Variants in C2orf80 observed in about 807,000 individuals in gnomAD.
The protein encoded by C2orf80 is chromosome 2 open reading frame 80.
In C2orf80, 28 loss-of-function variants were observed where a neutral mutation model predicts 30.2. The observed-to-expected ratio is 0.93, with a 90% CI of 0.69 to 1.27. The LOEUF is 1.27. Among genes scored for constraint, C2orf80 ranks in the 50% most tolerant of loss-of-function variants. The pLI is 0.00. For missense variants in C2orf80, 220 were observed against 231.0 expected, an observed-to-expected ratio of 0.95 and a Z score of 0.31; for synonymous variants, 80 against 76.4, an observed-to-expected ratio of 1.05 and a Z score of -0.24.
intron 6 of C2orf80, among the ~76,000 whole-genome samples, chr2:208,178,099 T>A (rs1480719838): frequency 6.6e-6 from 1 of 152,134 alleles, no homozygotes; most frequent in African/African-American, 2.4e-5. Flanking sequence ...ATTACAGGCA[T>A]GAGCTACCGC....
At chr2:208,183,741 G>A (rs1429780617) in intron 3 of C2orf80, among the ~76,000 whole-genome samples, 1 of 152,176 alleles carries the variant, frequency 6.6e-6, no homozygotes, top group Non-Finnish European at 1.5e-5. Context: ...CGGAGCGGGC[G>A]GGGAAGGGGG....
intron 6 of C2orf80, among the ~76,000 whole-genome samples, chr2:208,173,168 T>C (rs1261373370): frequency 1.6e-5 from 2 of 121,698 alleles, no homozygotes; most frequent in Admixed American, 1.7e-4. Context: ...AATGGAAAAA[T>C]AGATGACAAC....
At chr2:208,176,973 A>ATCTGTATACATATG (rs56730997) in intron 6 of C2orf80, among the ~76,000 whole-genome samples, 5 of 92,264 alleles carry the variant, frequency 5.4e-5, no homozygotes, top group Admixed American at 2.0e-4. Flanking sequence ...ATGTATACAT[A>ATCTGTATACATATG]TATACAGAAA....
At chr2:208,182,638 T>C (rs1574372576) in intron 4 of C2orf80, among the ~76,000 whole-genome samples, 1 of 152,186 alleles carries the variant, frequency 6.6e-6, no homozygotes, top group Non-Finnish European at 1.5e-5. Flanking sequence ...TGGCTTCAAG[T>C]AATGAGTCTG....
chr2:208,180,998 C>G (rs1696539995), intron 5 of C2orf80, among the ~76,000 whole-genome samples, 182 bp from the exon 6 acceptor site: 4 of 152,124 alleles, frequency 2.6e-5, no homozygotes, highest in Admixed American at 1.3e-4. Flanking sequence ...TTAGTTGTGT[C>G]TCTCATTCTT....
At chr2:208,174,270 C>T (rs1002931652) in intron 6 of C2orf80, among the ~76,000 whole-genome samples, 4 of 152,090 alleles carry the variant, frequency 2.6e-5, no homozygotes, top group African/African-American at 4.8e-5. Context: ...TAAGATCTGT[C>T]AATATTGAAC....
chr2:208,167,995 G>A (rs1432639187), intron 8 of C2orf80, among the ~76,000 whole-genome samples: 1 of 151,458 alleles, frequency 6.6e-6, no homozygotes. Flanking sequence ...TAAAAAAATT[G>A]TTCTTCAGCT....
intron 8 of C2orf80, among the ~76,000 whole-genome samples, chr2:208,170,114 A>G (rs968788490): frequency 6.6e-6 from 1 of 152,210 alleles, no homozygotes; most frequent in Non-Finnish European, 1.5e-5. Context: ...ATAAGTCAGT[A>G]TATCAGTTCT....
intron 8 of C2orf80, among the ~76,000 whole-genome samples, chr2:208,166,531 G>A (rs1320857843): frequency 1.3e-5 from 2 of 152,146 alleles, no homozygotes; most frequent in African/African-American, 4.8e-5. Flanking sequence ...AATTTCTGAT[G>A]TATTGCTTTG....
chr2:208,178,865 A>T (rs11674342), intron 6 of C2orf80, among the ~76,000 whole-genome samples: 1 of 152,090 alleles, frequency 6.6e-6, no homozygotes, highest in Admixed American at 6.5e-5. Flanking sequence ...TCAAGAGATT[A>T]TCCTGCCTCA....
chr2:208,168,396 G>T, intron 8 of C2orf80: 1 of 309,168 alleles, frequency 3.2e-6, no homozygotes, highest in Non-Finnish European at 6.2e-6. Flanking sequence ...GAGTTGGGCC[G>T]GGCGCGGTGG....
At chr2:208,181,191 A>G (rs1242731201) in intron 5 of C2orf80, 27 bp downstream of exon 5, 1 of 1,398,308 alleles carries the variant, frequency 7.2e-7, no homozygotes. Context: ...AAATATTCAT[A>G]TAGGCAGATA....
intron 3 of C2orf80, among the ~76,000 whole-genome samples, chr2:208,184,197 C>T (rs1437643651): frequency 6.6e-6 from 1 of 152,230 alleles, no homozygotes; most frequent in Admixed American, 6.5e-5. Flanking sequence ...ACCCCCGCCC[C>T]CCTTCACCTC....
At chr2:208,173,792 A>C (rs1220116883) in intron 6 of C2orf80, among the ~76,000 whole-genome samples, 1 of 152,196 alleles carries the variant, frequency 6.6e-6, no homozygotes, top group Non-Finnish European at 1.5e-5. Flanking sequence ...GGTATGAGAC[A>C]GGAGAGGGTA....
chr2:208,187,481 G>A (rs1352859350), intron 1 of C2orf80, among the ~76,000 whole-genome samples: 1 of 151,526 alleles, frequency 6.6e-6, no homozygotes, highest in East Asian at 1.9e-4. Context: ...GTTTTCCATA[G>A]AATCCATCTA....
intron 6 of C2orf80, among the ~76,000 whole-genome samples, chr2:208,178,064 C>T (rs553554818): frequency 3.9e-5 from 6 of 152,116 alleles, no homozygotes; most frequent in African/African-American, 1.4e-4. Flanking sequence ...GTGATCCACC[C>T]ACCTCTGCCT....
Position 208,165,476 on chromosome 2 carries a change from C to T in C2orf80, c.*331G>A, listed in dbSNP as rs1695854722. On this transcript the variant is annotated 3_prime_UTR_variant, in exon 9 of 9. Coordinates refer to ENST00000341287, the MANE Select transcript of C2orf80 (RefSeq NM_001099334.3). ...TGGAAATCTGCCTCCCACTCCATCA[C>T]TGTGCAATATTCAATGCCACACATT... 4.4e-6 allele frequency: 1 copy of T among 228,922 alleles called. No individual in the cohort carries two copies. Among genetic ancestry groups the T allele is most frequent in the African/African-American group, 2.3e-5 (1 of 43,922 alleles). 14.2% of individuals were successfully genotyped at this position (228,922 alleles called of 1,614,324 possible).
At chr2:208,176,583 C>T (rs1475172194) in intron 6 of C2orf80, among the ~76,000 whole-genome samples, 2 of 152,194 alleles carry the variant, frequency 1.3e-5, no homozygotes, top group African/African-American at 4.8e-5. Context: ...ACTCCATTCC[C>T]TGAGTAGCAG....
intron 2 of C2orf80, 30 bp from the exon 3 acceptor site, chr2:208,185,062 T>C (rs755236247): frequency 7.0e-6 from 11 of 1,570,344 alleles, no homozygotes; most frequent in Middle Eastern, 3.3e-4. Flanking sequence ...CATTGAACCA[T>C]TGGAGTGACA....
Sources: gnomAD v4.1 joint callset for allele counts (sites outside exome capture counted in the v4.1 genomes callset) on GRCh38, gnomAD v4.1.1 for gene constraint, MANE v1.5 for transcripts, NCBI Gene and HGNC (gene_info 2026-07-23, HGNC 2026-07-21) for gene names.